ATP8A2: variants seen among roughly 807,000 people sequenced by gnomAD.
The protein encoded by ATP8A2 is ATPase phospholipid transporting 8A2.
A neutral mutation model predicts 165.6 loss-of-function variants in ATP8A2; 100 were observed. The observed-to-expected ratio is 0.60, with a 90% CI of 0.51 to 0.71. The LOEUF is 0.71. Among genes scored for constraint, ATP8A2 ranks in the 30% least tolerant of loss-of-function variants. The pLI, the probability that ATP8A2 is intolerant of heterozygous loss-of-function variation, is 0.00. For missense variants in ATP8A2, 1,227 were observed against 1,479.5 expected, an observed-to-expected ratio of 0.83 and a Z score of 2.80; for synonymous variants, 543 against 548.8, an observed-to-expected ratio of 0.99 and a Z score of 0.15.
intron 26 of ATP8A2, among the ~76,000 whole-genome samples, chr13:25,770,203 GAC>G (rs2044589202): frequency 1.3e-5 from 2 of 152,238 alleles, no homozygotes; most frequent in South Asian, 4.1e-4. Context: ...CTGGGGACTA[GAC>G]TAACATTAGC....
intron 7 of ATP8A2, among the ~76,000 whole-genome samples, chr13:25,538,360 T>C (rs542532074): frequency 6.6e-6 from 1 of 152,292 alleles, no homozygotes; most frequent in South Asian, 2.1e-4. Context: ...AGTGGTCCAT[T>C]CATTAATGTC....
chr13:25,772,142 A>G (rs1204580802), intron 26 of ATP8A2, among the ~76,000 whole-genome samples: 1 of 152,120 alleles, frequency 6.6e-6, no homozygotes, highest in Admixed American at 6.5e-5. Flanking sequence ...CCTTGTCCTG[A>G]GCAACCTTGC....
intron 24 of ATP8A2, among the ~76,000 whole-genome samples, chr13:25,622,321 A>C (rs972656905): frequency 1.1e-4 from 16 of 152,006 alleles, no homozygotes; most frequent in African/African-American, 3.9e-4. Flanking sequence ...TGGAGAGGGG[A>C]AGCAAAGAAA....
At chr13:25,514,473 A>T (rs983409603) in intron 2 of ATP8A2, among the ~76,000 whole-genome samples, 9 of 152,296 alleles carry the variant, frequency 5.9e-5, no homozygotes, top group Admixed American at 5.9e-4. Context: ...CCAGATAGCA[A>T]GACTCACTTT....
intron 34 of ATP8A2, among the ~76,000 whole-genome samples, chr13:25,965,592 T>C (rs1955758707): frequency 6.6e-6 from 1 of 152,236 alleles, no homozygotes; most frequent in African/African-American, 2.4e-5. Flanking sequence ...TTAATATCCC[T>C]GCGCTTATAT....
At position 25,878,372 on chromosome 13, in the gene ATP8A2, G is replaced by A. The variant is rs180925336; in HGVS notation, c.3183+15964G>A. 4.6e-5 allele frequency among the ~76,000 whole-genome samples: 7 copies of A among 152,150 alleles called. No individual in the cohort carries two copies. The East Asian group carries it at 9.7e-4, about 21-fold the overall frequency. ...AGGTCCCGATCCAGACCCAAGAGAG[G>A]GTTCTTGGATCTTGCACAAGAAAGA... On this transcript the variant is annotated intron_variant, in intron 33 of 36. Coordinates refer to ENST00000381655, the MANE Select transcript of ATP8A2 (RefSeq NM_016529.6).
In ATP8A2 at chr13:25,516,783, C is replaced by CTTTT. The variant is rs770018909; in HGVS notation, c.222-13204_222-13201dup. ...TCTTTCTTTCTTCCTTTCTTTCTTA[C>CTTTT]TTTTTTTTTTTTTTTGAGACGGAGT... On this transcript the variant is annotated intron_variant, in intron 2 of 36. Coordinates refer to ENST00000381655, the MANE Select transcript of ATP8A2 (RefSeq NM_016529.6). Among the ~76,000 whole-genome samples, 53 of 135,886 alleles carry CTTTT rather than the reference C, an allele frequency of 3.9e-4. 1 individual carries two copies. The highest frequency in any genetic ancestry group is 3.5e-3 in the South Asian group (15 of 4,242). 89.1% of individuals were successfully genotyped at this position (135,886 alleles called of 152,430 possible). A position where few individuals can be genotyped will look rare whatever the true frequency, so the allele number is the denominator to read the frequency against.
chr13:25,399,909 CTCCTTTTTCTTCT>C (rs2033578202), intron 1 of ATP8A2, among the ~76,000 whole-genome samples: 1 of 79,264 alleles, frequency 1.3e-5, no homozygotes, highest in South Asian at 4.0e-4. Context: ...TATTCTTCTC[CTCCTTTTTCTTCT>C]TCCTTTTCTC....
intron 24 of ATP8A2, among the ~76,000 whole-genome samples, chr13:25,592,379 T>G (rs1007345175): frequency 6.6e-6 from 1 of 152,194 alleles, no homozygotes; most frequent in East Asian, 1.9e-4. Flanking sequence ...TGAACAAGCT[T>G]AAGATAATTT....
chr13:25,926,015 C>T lies in ATP8A2; in HGVS notation c.3184-35560C>T, dbSNP rs559426955. Among the ~76,000 whole-genome samples, 288 of 152,178 alleles carry T rather than the reference C, an allele frequency of 1.9e-3. 6 individuals are homozygous for T. The highest frequency in any genetic ancestry group is 6.5e-3 in the African/African-American group (271 of 41,522). Reference sequence around the variant, plus strand: ...TGCCAGGATTACAGGCATGAGCCACCGCACCCAGTCAGTTCTCAATTTTCA... The same window carrying T: ...TGCCAGGATTACAGGCATGAGCCACTGCACCCAGTCAGTTCTCAATTTTCA... On this transcript the variant is annotated intron_variant, in intron 33 of 36. Transcript: ENST00000381655.
At chr13:25,881,802 G>A (rs928116928) in intron 33 of ATP8A2, among the ~76,000 whole-genome samples, 1 of 152,186 alleles carries the variant, frequency 6.6e-6, no homozygotes, top group African/African-American at 2.4e-5. Flanking sequence ...CAGAGGGCTT[G>A]TAGAAATGCT....
chr13:25,968,784 C>A, intron 35 of ATP8A2, 105 bp downstream of exon 35: 1 of 850,586 alleles, frequency 1.2e-6, no homozygotes, highest in Non-Finnish European at 1.9e-6. Flanking sequence ...GATGGGAGCA[C>A]AGTATGCTCA....
intron 2 of ATP8A2, among the ~76,000 whole-genome samples, chr13:25,512,855 C>T (rs537321803): frequency 3.5e-4 from 48 of 139,008 alleles, no homozygotes; most frequent in Non-Finnish European, 4.9e-4. Flanking sequence ...CCAGTAGGGG[C>T]GGCCAGGCAG....
At chr13:25,885,341 G>C (rs990059193) in intron 33 of ATP8A2, among the ~76,000 whole-genome samples, 1 of 151,962 alleles carries the variant, frequency 6.6e-6, no homozygotes, top group Non-Finnish European at 1.5e-5. Flanking sequence ...TCGAACTCCT[G>C]ACCTCAGGTG....
chr13:25,975,707 A>T (rs1200458967), intron 35 of ATP8A2, among the ~76,000 whole-genome samples: 1 of 152,246 alleles, frequency 6.6e-6, no homozygotes, highest in African/African-American at 2.4e-5. Flanking sequence ...AGATTCGGCC[A>T]GAACTGCTTC....
intron 1 of ATP8A2, among the ~76,000 whole-genome samples, chr13:25,466,546 G>A (rs77702749): frequency 0.016 from 2,366 of 152,256 alleles, 50 homozygotes; most frequent in African/African-American, 0.053. Context: ...TTAATTGAGG[G>A]AACATTTTCA....
intron 2 of ATP8A2, among the ~76,000 whole-genome samples, chr13:25,503,857 T>C (rs1325702601): frequency 6.6e-6 from 1 of 152,152 alleles, no homozygotes; most frequent in African/African-American, 2.4e-5. Flanking sequence ...AAGATGTGTG[T>C]GCGCACACAC....
chr13:25,726,909 G>T (rs1023636233), intron 25 of ATP8A2, among the ~76,000 whole-genome samples: 2 of 152,138 alleles, frequency 1.3e-5, no homozygotes, highest in African/African-American at 2.4e-5. Flanking sequence ...TGGGAGGAAG[G>T]CTCCATGGGG....
intron 24 of ATP8A2, among the ~76,000 whole-genome samples, chr13:25,602,973 G>A (rs1253025621): frequency 1.3e-5 from 2 of 152,106 alleles, no homozygotes; most frequent in African/African-American, 4.8e-5. Flanking sequence ...TTGGGAGGCT[G>A]AGGCAAAAGA....
Sources: gnomAD v4.1 joint callset for allele counts (sites outside exome capture counted in the v4.1 genomes callset) on GRCh38, gnomAD v4.1.1 for gene constraint, MANE v1.5 for transcripts, NCBI Gene and HGNC (gene_info 2026-07-23, HGNC 2026-07-21) for gene names.